The following UNC13B variants were observed in gnomAD, a reference collection of about 807,000 sequenced individuals.
The protein encoded by UNC13B is protein unc-13 homolog B.
In UNC13B, 144 loss-of-function variants were observed where a neutral mutation model predicts 211.0. The observed-to-expected ratio is 0.68, with a 90% CI of 0.60 to 0.78. UNC13B has a LOEUF of 0.78. Ranked by LOEUF, UNC13B falls within the 30% of genes least tolerant of loss-of-function variation. The probability of loss-of-function intolerance (pLI) is 0.00; values close to 1 mark genes in which losing one functional copy is unlikely to be tolerated. For synonymous variants in UNC13B, 709 were observed against 725.8 expected (o/e 0.98, Z 0.37); for missense variants, 1,777 against 2,002.0 (o/e 0.89, Z 2.14).
At chr9:35,294,989 T>C (rs188930784) in intron 7 of UNC13B, among the ~76,000 whole-genome samples, 1 of 152,334 alleles carries the variant, frequency 6.6e-6, no homozygotes, top group Admixed American at 6.5e-5. Context: ...CCATTGGCAG[T>C]GCATAAGTTT....
In UNC13B at chr9:35,338,363, T is replaced by C. The variant is rs144684561; in HGVS notation, c.9414+24374T>C. Among the ~76,000 whole-genome samples, 387 of 152,208 alleles carry C rather than the reference T, an allele frequency of 2.5e-3. 5 individuals are homozygous for C. Among genetic ancestry groups the C allele is most frequent in the Admixed American group, 0.021 (326 of 15,288 alleles). ...CTCTTAGGGCCTGCCTTGCAGCTTG[T>C]CGGGTCTGTTTAGGTAACAAAGCAG... On this transcript the variant is annotated intron_variant, in intron 11 of 39. Coordinates refer to ENST00000635942, the MANE Select transcript of UNC13B (RefSeq NM_001371189.2).
chr9:35,343,227 C>T (rs557203502), intron 11 of UNC13B, among the ~76,000 whole-genome samples: 3 of 152,344 alleles, frequency 2.0e-5, no homozygotes, highest in Admixed American at 2.0e-4. Context: ...AACAAACCTC[C>T]TGCCTCACAG....
chr9:35,248,152 A>G lies in UNC13B; in HGVS notation c.468+4788A>G, dbSNP rs962875248. 4.6e-5 allele frequency among the ~76,000 whole-genome samples: 7 copies of G among 152,228 alleles called. No homozygotes were observed. The East Asian group carries it at 5.8e-4, about 13-fold the overall frequency. On this transcript the variant is annotated intron_variant, in intron 6 of 39. Transcript: ENST00000635942. ...CTAGTTTATTTGCGTAGAGGTGTTT[A>G]TAGTATTCTCTGATGGTAGTTTGTA...
In UNC13B at chr9:35,194,600, G is replaced by A. The variant is rs566171822; in HGVS notation, c.22+32295G>A. 4.6e-5 allele frequency among the ~76,000 whole-genome samples: 7 copies of A among 152,244 alleles called. No homozygotes were observed. The East Asian group carries it at 1.2e-3, about 25-fold the overall frequency. ...CTGAGTCTTTAAGAATGGCAGCCAC[G>A]CTAACCGTGTTTTTAACTGGCTGAC... On this transcript the variant is annotated intron_variant, in intron 1 of 39. Transcript: ENST00000635942.
chr9:35,269,378 C>T (rs912211364), intron 7 of UNC13B, among the ~76,000 whole-genome samples: 6 of 152,224 alleles, frequency 3.9e-5, no homozygotes, highest in Admixed American at 2.6e-4. Context: ...AACTTCTGTC[C>T]CTGTGGAGTT....
intron 1 of UNC13B, among the ~76,000 whole-genome samples, chr9:35,164,217 G>A (rs1211751739): frequency 6.6e-6 from 1 of 152,142 alleles, no homozygotes; most frequent in Non-Finnish European, 1.5e-5. Flanking sequence ...GAGTTTCACT[G>A]TGTTGGCTAG....
intron 3 of UNC13B, among the ~76,000 whole-genome samples, chr9:35,236,234 G>A (rs975057436): frequency 3.3e-5 from 5 of 152,252 alleles, no homozygotes; most frequent in African/African-American, 1.2e-4. Context: ...GAGGCACTAT[G>A]TGGTATAGCA....
At chr9:35,396,778 T>C (rs1288368736) in intron 27 of UNC13B, 63 bp from the exon 28 acceptor site, 29 of 1,606,712 alleles carry the variant, frequency 1.8e-5, no homozygotes, top group Non-Finnish European at 2.3e-5. Context: ...CTGGTGGAGC[T>C]GTCAGGAAGT....
At chr9:35,220,528 G>A (rs1274772729) in intron 1 of UNC13B, among the ~76,000 whole-genome samples, 2 of 152,080 alleles carry the variant, frequency 1.3e-5, no homozygotes, top group African/African-American at 4.8e-5. Context: ...GCGAGAGCAT[G>A]TGAAGTTTGT....
chr9:35,338,864 A>G (rs1831817675), intron 11 of UNC13B, among the ~76,000 whole-genome samples: 1 of 152,200 alleles, frequency 6.6e-6, no homozygotes, highest in Non-Finnish European at 1.5e-5. Flanking sequence ...GACCAGTTGT[A>G]TCTGACGTCA....
At chr9:35,400,944 T>TGC (rs1424508767) in intron 37 of UNC13B, among the ~76,000 whole-genome samples, 2 of 151,764 alleles carry the variant, frequency 1.3e-5, no homozygotes, top group African/African-American at 4.8e-5. Context: ...TGGGGCCCTG[T>TGC]GCACAGCTGA....
intron 18 of UNC13B, 117 bp from the exon 19 acceptor site, chr9:35,380,983 G>C: frequency 1.0e-6 from 1 of 953,228 alleles, no homozygotes; most frequent in South Asian, 1.8e-5. Flanking sequence ...GAGTCCTTGG[G>C]TTGGCCCCTT....
At chr9:35,290,247 C>T (rs916125959) in intron 7 of UNC13B, among the ~76,000 whole-genome samples, 13 of 151,956 alleles carry the variant, frequency 8.6e-5, no homozygotes, top group African/African-American at 3.1e-4. Context: ...TCTTTAAGGA[C>T]CCAATAGGCT....
At chr9:35,385,676 T>A in intron 22 of UNC13B, 48 bp from the exon 23 acceptor site, 1 of 1,535,790 alleles carries the variant, frequency 6.5e-7, no homozygotes, top group Non-Finnish European at 8.8e-7. Flanking sequence ...GCAGGGAAGG[T>A]TTTCATAGTC....
intron 1 of UNC13B, among the ~76,000 whole-genome samples, chr9:35,204,638 G>A (rs959153477): frequency 1.1e-4 from 16 of 152,200 alleles, no homozygotes; most frequent in African/African-American, 3.6e-4. Context: ...TACTGGGTTT[G>A]GGACTTGCGT....
At chr9:35,292,058 G>A (rs1829125877) in intron 7 of UNC13B, among the ~76,000 whole-genome samples, 1 of 152,150 alleles carries the variant, frequency 6.6e-6, no homozygotes, top group East Asian at 1.9e-4. Flanking sequence ...GGTTAACAGA[G>A]CTCAGGTAAG....
At chr9:35,263,068 A>G (rs1827371833) in intron 7 of UNC13B, among the ~76,000 whole-genome samples, 2 of 152,156 alleles carry the variant, frequency 1.3e-5, no homozygotes, top group Admixed American at 6.5e-5. Context: ...ACCTTCTTAC[A>G]GGTTTCTGGG....
chr9:35,272,238 GTTTTTTTTGT>G (rs1564106231), intron 7 of UNC13B, among the ~76,000 whole-genome samples: 8 of 134,628 alleles, frequency 5.9e-5, no homozygotes, highest in Middle Eastern at 4.1e-3. Flanking sequence ...GTTTCATTTT[GTTTTTTTTGT>G]TTTTTTTTGT....
In UNC13B at chr9:35,301,356, T is replaced by A. The variant is rs1297444055; in HGVS notation, c.1952T>A (p.Ile651Lys). Residue 651 changes from isoleucine (I) to lysine (K), a missense_variant, in exon 9 of 40, where the codon ATA becomes AAA. By Grantham distance (102) the Ile-to-Lys change is moderately radical. Coordinates refer to ENST00000635942, the MANE Select transcript of UNC13B (RefSeq NM_001371189.2). ...DLAPQSQSSV[I>K]KSVFSRLNPL... is the part of the protein sequence containing the mutation. ...GCTCCACAGAGTCAGAGTTCAGTTA[T>A]AAAGTCGGTTTTCAGCAGGTTAAAT... 5 of 398,556 alleles carry A rather than the reference T, an allele frequency of 1.3e-5. No homozygotes were observed. The highest frequency in any genetic ancestry group is 1.8e-5 in the Non-Finnish European group (4 of 225,946). 24.7% of individuals were successfully genotyped at this position (398,556 alleles called of 1,614,324 possible).
Sources: gnomAD v4.1 joint callset for allele counts (sites outside exome capture counted in the v4.1 genomes callset) on GRCh38, gnomAD v4.1.1 for gene constraint, MANE v1.5 for transcripts, NCBI Gene and HGNC (gene_info 2026-07-23, HGNC 2026-07-21) for gene names.